AFF2: variants seen among roughly 807,000 people sequenced by gnomAD.
AFF2 encodes the protein ALF transcription elongation factor 2.
In AFF2, 14 loss-of-function variants were observed where a neutral mutation model predicts 76.9. That is an observed-to-expected ratio of 0.18 (90% CI 0.12 to 0.28). The LOEUF (loss-of-function observed/expected upper bound fraction) is 0.28, where lower values mean the gene tolerates loss of function less well. Among genes scored for constraint, AFF2 ranks in the 10% least tolerant of loss-of-function variants. The probability of loss-of-function intolerance (pLI) is 1.00; values close to 1 mark genes in which losing one functional copy is unlikely to be tolerated. For synonymous variants in AFF2, 398 were observed against 366.7 expected, an observed-to-expected ratio of 1.09 and a Z score of -0.98; for missense variants, 868 against 1,001.1, an observed-to-expected ratio of 0.87 and a Z score of 1.79.
intron 3 of AFF2, among the ~76,000 whole-genome samples, chrX:148,782,971 A>C (rs1318514309): frequency 8.9e-6 from 1 of 112,307 alleles, no homozygotes; most frequent in East Asian, 2.8e-4. Context: ...AGTATAAATC[A>C]GGAAAAGGGG....
chrX:148,638,804 C>T (rs1214874678), intron 1 of AFF2, among the ~76,000 whole-genome samples: 1 of 111,406 alleles, frequency 9.0e-6, no homozygotes, highest in African/African-American at 3.3e-5. Flanking sequence ...GATCTGCCCC[C>T]GTGACCTAAG....
At position 148,997,739 on chromosome X, in the gene AFF2, C is replaced by T. The variant is rs1375983133; in HGVS notation, c.*6407C>T. 2.7e-5 allele frequency: 3 copies of T among 112,103 alleles called. No individual in the cohort carries two copies. The Admixed American group carries it at 2.8e-4, about 11-fold the overall frequency. 9.2% of individuals were successfully genotyped at this position (112,103 alleles called of 1,213,427 possible). ...ACACAGGGACTCTGAGCACCCCCGT[C>T]ACCACACCAGACAGTGGACCAGTTT... On this transcript the variant is annotated 3_prime_UTR_variant, in exon 21 of 21. Coordinates refer to ENST00000370460, the MANE Select transcript of AFF2 (RefSeq NM_002025.4).
chrX:148,803,724 A>G (rs1557271106), intron 3 of AFF2, among the ~76,000 whole-genome samples: 1 of 111,114 alleles, frequency 9.0e-6, no homozygotes, highest in Non-Finnish European at 1.9e-5. Context: ...GCCATTAGGT[A>G]CTCTCAGCTG....
chrX:148,927,580 C>T (rs964346492), intron 9 of AFF2, among the ~76,000 whole-genome samples: 6 of 110,813 alleles, frequency 5.4e-5, no homozygotes, highest in African/African-American at 2.0e-4. Flanking sequence ...AGTAAAGATA[C>T]CTGGAGGCTA....
At chrX:148,939,752 C>T (rs1484813681) in intron 9 of AFF2, among the ~76,000 whole-genome samples, 1 of 111,894 alleles carries the variant, frequency 8.9e-6, no homozygotes, top group Non-Finnish European at 1.9e-5. Context: ...TTGGTATTAG[C>T]CATCTTGGAT....
chrX:148,557,418 T>G (rs190388427), intron 1 of AFF2, among the ~76,000 whole-genome samples: 215 of 112,335 alleles, frequency 1.9e-3, no homozygotes, highest in Non-Finnish European at 3.2e-3. Context: ...AACAGAGATT[T>G]ATTTGTTACA....
chrX:148,978,175 C>T (rs1211082692), intron 17 of AFF2, among the ~76,000 whole-genome samples, 171 bp downstream of exon 17: 2 of 112,713 alleles, frequency 1.8e-5, no homozygotes, highest in African/African-American at 6.4e-5. Context: ...ACTCTCCTAA[C>T]TTATACCCTT....
intron 3 of AFF2, among the ~76,000 whole-genome samples, chrX:148,801,737 T>C (rs2070061354): frequency 8.9e-6 from 1 of 111,926 alleles, no homozygotes; most frequent in South Asian, 3.7e-4. Flanking sequence ...TATATCTTAA[T>C]ATCATCCCTC....
intron 3 of AFF2, among the ~76,000 whole-genome samples, chrX:148,807,499 G>C (rs1557271442): frequency 1.8e-5 from 2 of 111,944 alleles, no homozygotes; most frequent in African/African-American, 3.2e-5. Flanking sequence ...CAGTTATTAA[G>C]TCCTGTTCCC....
intron 3 of AFF2, among the ~76,000 whole-genome samples, chrX:148,768,305 C>T (rs985695478): frequency 9.1e-6 from 1 of 109,746 alleles, no homozygotes; most frequent in African/African-American, 3.3e-5. Context: ...ATAGTGATCT[C>T]GTCACATATG....
At chrX:148,884,006 C>T (rs1460323335) in intron 7 of AFF2, among the ~76,000 whole-genome samples, 5 of 105,152 alleles carry the variant, frequency 4.8e-5, no homozygotes, top group Non-Finnish European at 9.9e-5. Context: ...CACACACACA[C>T]GGAAAGTAAA....
At chrX:148,700,789 A>G (rs1032949816) in intron 3 of AFF2, among the ~76,000 whole-genome samples, 1 of 110,971 alleles carries the variant, frequency 9.0e-6, no homozygotes, top group Non-Finnish European at 1.9e-5. Flanking sequence ...ATTTAGCCCT[A>G]CTCTGTTGCT....
chrX:148,534,648 C>CA (rs1301358701), intron 1 of AFF2, among the ~76,000 whole-genome samples: 1 of 111,467 alleles, frequency 9.0e-6, no homozygotes, highest in African/African-American at 3.3e-5. Flanking sequence ...ATGTCTGGCA[C>CA]AAAAAAAGAC....
At chrX:148,875,906 A>T (rs1348093563) in intron 7 of AFF2, among the ~76,000 whole-genome samples, 1 of 111,665 alleles carries the variant, frequency 9.0e-6, no homozygotes, top group Non-Finnish European at 1.9e-5. Flanking sequence ...TATATAGTTC[A>T]GTTGCATTTT....
intron 8 of AFF2, among the ~76,000 whole-genome samples, chrX:148,890,404 A>G (rs1557279614): frequency 9.0e-6 from 1 of 111,617 alleles, no homozygotes; most frequent in African/African-American, 3.3e-5. Flanking sequence ...ATAGGTGGTT[A>G]CTCTTCCTTG....
chrX:148,787,291 G>C (rs1251867228), intron 3 of AFF2, among the ~76,000 whole-genome samples: 1 of 111,371 alleles, frequency 9.0e-6, no homozygotes, highest in Non-Finnish European at 1.9e-5. Flanking sequence ...CCAATTTTGT[G>C]AGGAACAATC....
intron 16 of AFF2, among the ~76,000 whole-genome samples, chrX:148,977,655 A>T (rs1470769114): frequency 2.2e-5 from 2 of 89,480 alleles, no homozygotes; most frequent in Non-Finnish European, 4.6e-5. Flanking sequence ...ACACACACAC[A>T]CACTCACGGT....
intron 1 of AFF2, among the ~76,000 whole-genome samples, chrX:148,636,058 A>G (rs1278460902): frequency 2.7e-5 from 3 of 110,901 alleles, no homozygotes; most frequent in African/African-American, 9.8e-5. Flanking sequence ...CTCCCAGCAT[A>G]TATATCAGCA....
At chrX:148,739,449 C>T (rs1219557394) in intron 3 of AFF2, among the ~76,000 whole-genome samples, 1 of 111,240 alleles carries the variant, frequency 9.0e-6, no homozygotes. Context: ...CCCTGCTTTA[C>T]CCCCTGCTTG....
Sources: allele counts gnomAD v4.1 joint callset (sites outside exome capture counted in the v4.1 genomes callset), GRCh38; gene constraint gnomAD v4.1.1; transcripts MANE v1.5; gene names NCBI Gene and HGNC (gene_info 2026-07-23, HGNC 2026-07-21).